C16orf74: variants seen among roughly 807,000 people sequenced by gnomAD.
C16orf74 encodes uncharacterized protein C16orf74.
In C16orf74, 10 loss-of-function variants were observed where a neutral mutation model predicts 6.5. The observed-to-expected ratio is 1.54, with a 90% CI of 0.95 to 2.61. C16orf74 has a LOEUF of 2.61. Ranked by LOEUF, C16orf74 falls within the 30% of genes most tolerant of loss-of-function variation. C16orf74 has a pLI of 0.00. For missense variants in C16orf74, 141 were observed against 105.9 expected, an observed-to-expected ratio of 1.33 and a Z score of -1.45; for synonymous variants, 60 against 42.5, an observed-to-expected ratio of 1.41 and a Z score of -1.60.
chr16:85,710,449 C>G (rs1041143666), intron 2 of C16orf74, 142 bp from the exon 3 acceptor site: 2 of 681,806 alleles, frequency 2.9e-6, no homozygotes, highest in African/African-American at 3.8e-5. Context: ...GCAGCTGTCC[C>G]CGCATCACAG....
chr16:85,731,930 ATCC>A (rs2054193041), intron 2 of C16orf74, among the ~76,000 whole-genome samples: 1 of 152,210 alleles, frequency 6.6e-6, no homozygotes, highest in Admixed American at 6.5e-5. Context: ...GGCTCAAGAG[ATCC>A]TCCTGCCTCA....
intron 1 of C16orf74, among the ~76,000 whole-genome samples, chr16:85,745,639 G>A (rs1003291822): frequency 1.3e-5 from 2 of 150,324 alleles, no homozygotes; most frequent in East Asian, 2.0e-4. Context: ...AGAATCTCCC[G>A]CTGGCTGGAG....
rs2054433295 is a variant in C16orf74 at position 85,751,067 on chromosome 16, C to G, written c.-160G>C. 6.7e-6 allele frequency: 1 copy of G among 148,444 alleles called. No homozygotes were observed. The allele number at this position is 148,444 out of a possible 1,614,324, so 9.2% of individuals were successfully genotyped here. On this transcript the variant is annotated 5_prime_UTR_variant, in exon 1 of 4. Coordinates refer to ENST00000284245, the MANE Select transcript of C16orf74 (RefSeq NM_206967.3). ...CAAGACAGAGCAGCGGGGGTCATGGCCCGGCCGGCGCTCGGGCAGCCGCGC... is the reference window on the plus strand; with the variant it reads ...CAAGACAGAGCAGCGGGGGTCATGGGCCGGCCGGCGCTCGGGCAGCCGCGC...
At chr16:85,750,738 C>T (rs2054428432) in intron 1 of C16orf74, among the ~76,000 whole-genome samples, 188 bp downstream of exon 1, 1 of 152,152 alleles carries the variant, frequency 6.6e-6, no homozygotes, top group Non-Finnish European at 1.5e-5. Flanking sequence ...CCCGTGTCTC[C>T]GCAGCAAAGT....
intron 1 of C16orf74, among the ~76,000 whole-genome samples, 181 bp downstream of exon 1, chr16:85,750,743 CAA>C (rs1255928387): frequency 6.6e-6 from 1 of 152,180 alleles, no homozygotes; most frequent in Non-Finnish European, 1.5e-5. Context: ...GTCTCCGCAG[CAA>C]AGTCTGCAAG....
At chr16:85,747,634 A>T (rs1567815278) in intron 1 of C16orf74, among the ~76,000 whole-genome samples, 1 of 152,206 alleles carries the variant, frequency 6.6e-6, no homozygotes, top group Non-Finnish European at 1.5e-5. Flanking sequence ...GCCCACAAAA[A>T]GTATCAAACT....
chr16:85,734,375 G>A (rs769059396), intron 2 of C16orf74, among the ~76,000 whole-genome samples: 1 of 152,184 alleles, frequency 6.6e-6, no homozygotes, highest in Non-Finnish European at 1.5e-5. Context: ...CATGCAGGCT[G>A]ATCCCAGGCT....
At chr16:85,750,510 G>C (rs1458006753) in intron 1 of C16orf74, among the ~76,000 whole-genome samples, 5 of 152,198 alleles carry the variant, frequency 3.3e-5, no homozygotes, top group Non-Finnish European at 7.3e-5. Flanking sequence ...GGAAATACTC[G>C]ATAGAGTGGA....
chr16:85,745,681 C>T (rs995606607), intron 1 of C16orf74, among the ~76,000 whole-genome samples: 23 of 148,436 alleles, frequency 1.5e-4, no homozygotes, highest in Non-Finnish European at 2.8e-4. Context: ...CAGAATCTCC[C>T]GCTGGCTGGA....
chr16:85,750,143 AACCGCACT>A (rs1367030228), intron 1 of C16orf74, among the ~76,000 whole-genome samples: 6 of 152,096 alleles, frequency 3.9e-5, no homozygotes, highest in Non-Finnish European at 1.5e-5. Context: ...GTTCCCCGAG[AACCGCACT>A]ACCTCACAAG....
At chr16:85,715,181 C>T (rs1327246525) in intron 2 of C16orf74, among the ~76,000 whole-genome samples, 5 of 150,126 alleles carry the variant, frequency 3.3e-5, no homozygotes, top group Admixed American at 1.3e-4. Flanking sequence ...AAGAAGAGAA[C>T]ATTTCTCCTG....
intron 2 of C16orf74, among the ~76,000 whole-genome samples, chr16:85,721,978 CTT>C (rs146218477): frequency 0.33 from 30,309 of 91,156 alleles, 4,902 homozygotes; most frequent in Non-Finnish European, 0.38. Context: ...AGATTCTAAC[CTT>C]TTTTTTTTTT....
intron 1 of C16orf74, among the ~76,000 whole-genome samples, chr16:85,748,557 C>T (rs2054399836): frequency 1.3e-5 from 2 of 152,044 alleles, no homozygotes; most frequent in South Asian, 4.1e-4. Context: ...GAGATCACGC[C>T]ACTGCACTCC....
intron 2 of C16orf74, among the ~76,000 whole-genome samples, chr16:85,729,471 CAG>C (rs1464058775): frequency 1.3e-5 from 2 of 152,216 alleles, no homozygotes; most frequent in Non-Finnish European, 2.9e-5. Flanking sequence ...CACCCTTGGG[CAG>C]AGTCTTTGTT....
At chr16:85,710,392 C>T (rs1258769253) in intron 2 of C16orf74, 85 bp from the exon 3 acceptor site, 3 of 1,348,438 alleles carry the variant, frequency 2.2e-6, no homozygotes, top group Non-Finnish European at 2.9e-6. Context: ...GCGGGCGCCA[C>T]CCTCCCTTCA....
intron 2 of C16orf74, among the ~76,000 whole-genome samples, chr16:85,728,912 T>C (rs2152062388): frequency 6.6e-6 from 1 of 152,200 alleles, no homozygotes. Context: ...GCCACTGGAA[T>C]CCCCCCGGAG....
chr16:85,729,958 C>T (rs1172237686), intron 2 of C16orf74, among the ~76,000 whole-genome samples: 1 of 152,190 alleles, frequency 6.6e-6, no homozygotes, highest in Admixed American at 6.5e-5. Flanking sequence ...ACCGGACAGT[C>T]ACGCACGGTA....
In C16orf74 at chr16:85,721,511, T is replaced by C. The variant is rs7187711; in HGVS notation, c.29-11204A>G. On this transcript the variant is annotated intron_variant, in intron 2 of 3. Transcript: ENST00000284245. ...ATCTCAGGTTAACAAATAGTTTTTT[T>C]AGTAGAGGCATGTCCCATGCAATGC... Among the ~76,000 whole-genome samples, 632 of 152,322 alleles carry C rather than the reference T, an allele frequency of 4.1e-3. 5 individuals are homozygous for C. Among genetic ancestry groups the C allele is most frequent in the African/African-American group, 0.015 (608 of 41,560 alleles).
chr16:85,728,644 G>A (rs911486565), intron 2 of C16orf74, among the ~76,000 whole-genome samples: 7 of 152,176 alleles, frequency 4.6e-5, no homozygotes, highest in African/African-American at 7.2e-5. Flanking sequence ...AGAGGCCCCC[G>A]CACACCTGCA....
Sources: gnomAD v4.1 joint callset for allele counts (sites outside exome capture counted in the v4.1 genomes callset) on GRCh38, gnomAD v4.1.1 for gene constraint, MANE v1.5 for transcripts, NCBI Gene and HGNC (gene_info 2026-07-23, HGNC 2026-07-21) for gene names.